The following FHIT variants were observed in gnomAD, a reference collection of about 807,000 sequenced individuals.
FHIT encodes fragile histidine triad diadenosine triphosphatase.
A neutral mutation model predicts 17.9 loss-of-function variants in FHIT; 19 were observed. The ratio of observed to expected loss-of-function variants is 1.06; its 90% CI spans 0.74 to 1.56. FHIT has a LOEUF of 1.56. Among genes scored for constraint, FHIT ranks in the 40% most tolerant of loss-of-function variants. The pLI is 0.00. For missense variants in FHIT, 248 were observed against 189.2 expected, an observed-to-expected ratio of 1.31 and a Z score of -1.82; for synonymous variants, 81 against 69.7, an observed-to-expected ratio of 1.16 and a Z score of -0.81.
chr3:60,222,959 A>G (rs187118177), intron 5 of FHIT, among the ~76,000 whole-genome samples: 169 of 152,310 alleles, frequency 1.1e-3, no homozygotes, highest in Middle Eastern at 3.4e-3. Flanking sequence ...AACAGTAATA[A>G]CTTTAGGATA....
chr3:60,917,951 G>A (rs1707090385), intron 3 of FHIT, among the ~76,000 whole-genome samples: 1 of 152,196 alleles, frequency 6.6e-6, no homozygotes, highest in Non-Finnish European at 1.5e-5. Flanking sequence ...ATATGGTTTG[G>A]TTGTGTGCCC....
At chr3:60,617,751 A>G (rs2038994763) in intron 4 of FHIT, 1 of 154,010 alleles carries the variant, frequency 6.5e-6, no homozygotes, top group Non-Finnish European at 1.4e-5. Flanking sequence ...TGGGGAAAAA[A>G]AGTTATCCAG....
At chr3:61,194,590 T>A (rs1457766420) in intron 2 of FHIT, among the ~76,000 whole-genome samples, 1 of 152,226 alleles carries the variant, frequency 6.6e-6, no homozygotes, top group Non-Finnish European at 1.5e-5. Context: ...TAATACTTTC[T>A]AAATAACGCC....
chr3:60,966,036 G>C (rs1709722773), intron 3 of FHIT, among the ~76,000 whole-genome samples: 1 of 152,158 alleles, frequency 6.6e-6, no homozygotes, highest in Non-Finnish European at 1.5e-5. Context: ...TGACCCTAGA[G>C]GTGGAGTCTA....
rs563791545 is a variant in FHIT, at chr3:60,329,678, C to CA, written c.103+207181dup. Among the ~76,000 whole-genome samples the CA allele has an allele frequency of 1.6e-4, 25 of 152,292 alleles. 1 individual carries two copies. In the South Asian group the frequency reaches 4.8e-3, roughly 29 times the overall value. On this transcript the variant is annotated intron_variant, in intron 5 of 9. Transcript: ENST00000492590. Reference sequence around the variant, plus strand: ...TTCCATCTGCATTCCTGCCTTTTCTCAAAAAGATCTCAAAGCAGAAAGAAG... The same window carrying CA: ...TTCCATCTGCATTCCTGCCTTTTCTCAAAAAAGATCTCAAAGCAGAAAGAAG...
At chr3:61,061,915 T>G (rs866301046) in intron 2 of FHIT, among the ~76,000 whole-genome samples, 6 of 152,204 alleles carry the variant, frequency 3.9e-5, no homozygotes, top group Non-Finnish European at 7.3e-5. Flanking sequence ...GGCATGTACA[T>G]TTTTGCATAC....
intron 4 of FHIT, among the ~76,000 whole-genome samples, chr3:60,600,349 T>G (rs979052980): frequency 2.4e-5 from 1 of 41,228 alleles, no homozygotes; most frequent in Non-Finnish European, 4.4e-5. Context: ...GCAAAAATAA[T>G]TGTTTTCATT....
chr3:59,773,705 C>T (rs371118777), intron 8 of FHIT, among the ~76,000 whole-genome samples: 19 of 152,168 alleles, frequency 1.2e-4, no homozygotes, highest in East Asian at 5.8e-4. Context: ...CTTGATGTCC[C>T]GGGTGTGGAC....
chr3:60,206,459 C>T (rs527711056), intron 5 of FHIT, among the ~76,000 whole-genome samples: 9 of 152,030 alleles, frequency 5.9e-5, no homozygotes, highest in African/African-American at 1.9e-4. Flanking sequence ...CAGCAGGCCA[C>T]GATTTATTGC....
intron 8 of FHIT, among the ~76,000 whole-genome samples, chr3:59,918,136 G>A (rs1049697049): frequency 1.2e-4 from 18 of 152,292 alleles, no homozygotes; most frequent in Admixed American, 3.9e-4. Context: ...TGAATTGACC[G>A]TCTGAAGAGC....
intron 5 of FHIT, among the ~76,000 whole-genome samples, chr3:60,304,747 G>C (rs887592174): frequency 2.6e-5 from 4 of 151,944 alleles, no homozygotes; most frequent in African/African-American, 9.7e-5. Context: ...ACTCCTATTT[G>C]CTAACTCTGG....
Position 59,790,512 on chromosome 3 carries a change from C to T in FHIT, c.349-38191G>A, listed in dbSNP as rs547453230. 1.6e-3 allele frequency among the ~76,000 whole-genome samples: 235 copies of T among 142,762 alleles called. 1 individual carries two copies. The highest frequency in any genetic ancestry group is 6.0e-3 in the African/African-American group (221 of 37,052). 93.7% of individuals were successfully genotyped at this position (142,762 alleles called of 152,430 possible). On this transcript the variant is annotated intron_variant, in intron 8 of 9. Coordinates refer to ENST00000492590, the MANE Select transcript of FHIT (RefSeq NM_002012.4). ...TGCTTCTCTCTCTCTCTCTTTCTCTCTCTCTCTCTCTCTCTCTGTGTGTGT... is the reference window on the plus strand; with the variant it reads ...TGCTTCTCTCTCTCTCTCTTTCTCTTTCTCTCTCTCTCTCTCTGTGTGTGT...
intron 8 of FHIT, among the ~76,000 whole-genome samples, chr3:59,873,581 C>A (rs568092595): frequency 6.6e-6 from 1 of 152,308 alleles, no homozygotes. Flanking sequence ...CCAGACAATT[C>A]TTTATTGCAG....
At chr3:60,247,224 C>CT (rs1022332697) in intron 5 of FHIT, among the ~76,000 whole-genome samples, 1 of 44,170 alleles carries the variant, frequency 2.3e-5, no homozygotes. Flanking sequence ...CCAAGTAAGG[C>CT]TATTAAGAAG....
At chr3:60,874,527 A>G (rs1704559002) in intron 3 of FHIT, among the ~76,000 whole-genome samples, 1 of 152,206 alleles carries the variant, frequency 6.6e-6, no homozygotes. Flanking sequence ...ATATGTAGTC[A>G]TTAGCTTACC....
chr3:59,910,400 C>G (rs575381913), intron 8 of FHIT, among the ~76,000 whole-genome samples: 44 of 152,290 alleles, frequency 2.9e-4, no homozygotes, highest in Non-Finnish European at 5.4e-4. Context: ...CAGGTTGCCC[C>G]TAAGCAGCTC....
chr3:60,644,375 G>A (rs1040563359), intron 4 of FHIT, among the ~76,000 whole-genome samples: 6 of 152,084 alleles, frequency 3.9e-5, no homozygotes, highest in African/African-American at 1.2e-4. Context: ...TTGAAAATTT[G>A]AAATTGATTA....
rs868550613 is a variant in FHIT, at chr3:59,986,828, G to A, written c.279+24543C>T. Among the ~76,000 whole-genome samples, 38 of 19,092 alleles carry A rather than the reference G, an allele frequency of 2.0e-3. 1 individual carries two copies. Among genetic ancestry groups the A allele is most frequent in the African/African-American group, 6.7e-3 (31 of 4,596 alleles). The allele number at this position is 19,092 out of a possible 152,430, so 12.5% of individuals were successfully genotyped here. A position where few individuals can be genotyped will look rare whatever the true frequency, so the allele number is the denominator to read the frequency against. ...TTGTATTATATATTAAAATATATAC[G>A]TATATATGTGTATATATGTATAGGA... On this transcript the variant is annotated intron_variant, in intron 7 of 9. Coordinates refer to ENST00000492590, the MANE Select transcript of FHIT (RefSeq NM_002012.4).
chr3:61,051,375 A>T (rs2034021446), intron 2 of FHIT, among the ~76,000 whole-genome samples: 1 of 151,950 alleles, frequency 6.6e-6, no homozygotes, highest in African/African-American at 2.4e-5. Flanking sequence ...TCAGCCTCCC[A>T]AATAGCTGGG....
Sources: allele counts gnomAD v4.1 joint callset (sites outside exome capture counted in the v4.1 genomes callset), GRCh38; gene constraint gnomAD v4.1.1; transcripts MANE v1.5; gene names NCBI Gene and HGNC (gene_info 2026-07-23, HGNC 2026-07-21).